The following P2RX3 variants were observed in gnomAD, a reference collection of about 807,000 sequenced individuals.
P2RX3 encodes purinergic receptor P2X 3.
P2RX3 carries 41 observed loss-of-function variants against 51.5 expected under a neutral mutation model. The ratio of observed to expected loss-of-function variants is 0.80; its 90% CI spans 0.62 to 1.03. The LOEUF (loss-of-function observed/expected upper bound fraction) is 1.03. P2RX3 is among the 50% of genes least tolerant of loss of function. P2RX3 has a pLI of 0.00. For missense variants in P2RX3, 459 were observed against 522.1 expected, an observed-to-expected ratio of 0.88 and a Z score of 1.18; for synonymous variants, 185 against 191.6, an observed-to-expected ratio of 0.97 and a Z score of 0.29.
Position 57,346,626 on chromosome 11 carries a change from G to T in P2RX3, c.202G>T (p.Gly68Ter), listed in dbSNP as rs771408677. 1.2e-6 allele frequency: 2 copies of T among 1,614,160 alleles called. No individual in the cohort carries two copies. The highest frequency in any genetic ancestry group is 1.7e-6 in the Non-Finnish European group (2 of 1,180,028). ...SSVVTKVKGS[G>*]LYANRVMDVS... ...GGTGGTAACCAAGGTGAAGGGCTCC[G>T]GACTCTACGCCAACAGAGTCATGGA... Residue 68 changes from glycine (G) to a stop codon, truncating the protein, a stop_gained, in exon 2 of 12, where the codon GGA becomes TGA. Transcript: ENST00000263314. LOFTEE classifies it high-confidence loss of function.
rs770496457 is a variant in P2RX3, at chr11:57,368,524, A to ACTCTGC, written c.1002+96_1002+101dup. 421 of 1,437,748 alleles carry ACTCTGC rather than the reference A, an allele frequency of 2.9e-4. 1 individual carries two copies. The highest frequency in any genetic ancestry group is 3.8e-4 in the Non-Finnish European group (391 of 1,025,158). The allele number at this position is 1,437,748 out of a possible 1,614,324, so 89.1% of individuals were successfully genotyped here. On this transcript the variant is annotated intron_variant, in intron 10 of 11. Transcript: ENST00000263314. ...CAGGCAGGGGAGTGACGGCGGCAAA[A>ACTCTGC]CTCTGCCTCTGCCTGGAATGTAAAA...
chr11:57,355,633 G>A (rs1462158142), intron 8 of P2RX3, among the ~76,000 whole-genome samples: 1 of 152,216 alleles, frequency 6.6e-6, no homozygotes, highest in East Asian at 1.9e-4. Flanking sequence ...GAGCTACCAC[G>A]CCTAGCCAGG....
intron 8 of P2RX3, among the ~76,000 whole-genome samples, chr11:57,353,674 C>T (rs1398693714): frequency 6.6e-6 from 1 of 152,150 alleles, no homozygotes; most frequent in Non-Finnish European, 1.5e-5. Flanking sequence ...CCAACAGAGG[C>T]AGATTTTTCA....
In P2RX3 at chr11:57,369,418, A is replaced by C; in HGVS notation, c.1060A>C (p.Lys354Gln). 1.2e-6 allele frequency: 2 copies of C among 1,609,292 alleles called. No homozygotes were observed. The highest frequency in any genetic ancestry group is 1.7e-6 in the Non-Finnish European group (2 of 1,178,222). ...CTTCCTCAAGGGGGCCGACCAGTAC[A>C]AAGCCAAGAAGTTTGAGGAGGTGAG... ...LNFLKGADQYKAKKFEEVNET... is the reference protein window; with the variant it reads ...LNFLKGADQYQAKKFEEVNET... The change falls in exon 11 of 12, where the codon AAA becomes CAA. Residue 354 changes from lysine to glutamine, a missense_variant. Lys to Gln is a moderately conservative substitution (Grantham distance 53). Coordinates refer to ENST00000263314, the MANE Select transcript of P2RX3 (RefSeq NM_002559.5).
intron 4 of P2RX3, among the ~76,000 whole-genome samples, chr11:57,347,797 C>T (rs1460046251): frequency 6.6e-6 from 1 of 152,020 alleles, no homozygotes; most frequent in Non-Finnish European, 1.5e-5. Context: ...CAAAGGCTTC[C>T]TTGAGGTGGT....
At chr11:57,365,469 AC>A (rs1355101380) in intron 8 of P2RX3, among the ~76,000 whole-genome samples, 3 of 152,272 alleles carry the variant, frequency 2.0e-5, no homozygotes, top group Admixed American at 2.0e-4. Context: ...CATTGGCTGA[AC>A]CCACCTGGAA....
chr11:57,359,500 C>T (rs1414190211), intron 8 of P2RX3, among the ~76,000 whole-genome samples: 6 of 152,206 alleles, frequency 3.9e-5, no homozygotes, highest in African/African-American at 1.2e-4. Context: ...AGCCCCCGAC[C>T]CTGAAAACTC....
chr11:57,350,963 G>A lies in P2RX3; in HGVS notation c.842+65G>A, dbSNP rs1856537625. 6 of 1,605,268 alleles carry A rather than the reference G, an allele frequency of 3.7e-6. No homozygotes were observed. The South Asian group carries it at 5.5e-5, about 15-fold the overall frequency. ...CGGGCTGTTAACGGCAATGTTTATTGGGGAGACAAGATCCCACATCCATCC... is the reference window on the plus strand; with the variant it reads ...CGGGCTGTTAACGGCAATGTTTATTAGGGAGACAAGATCCCACATCCATCC... On this transcript the variant is annotated intron_variant, in intron 8 of 11. Coordinates refer to ENST00000263314, the MANE Select transcript of P2RX3 (RefSeq NM_002559.5).
intron 8 of P2RX3, among the ~76,000 whole-genome samples, chr11:57,367,379 T>A (rs1396157407): frequency 6.6e-6 from 1 of 152,204 alleles, no homozygotes; most frequent in East Asian, 1.9e-4. Flanking sequence ...AGTCTAGCAG[T>A]GGCTCAAACT....
rs547284438 is a variant in P2RX3 at position 57,338,558 on chromosome 11, GC to G, written c.9del (p.Cys3Ter). 490 of 1,585,962 alleles carry G rather than the reference GC, an allele frequency of 3.1e-4. No individual in the cohort carries two copies. The African/African-American group carries it at 5.7e-3, about 18-fold the overall frequency. MN[C>X]ISDFFTYETT... Reference sequence around the variant, plus strand: ...CCTGAGCACTCTCTCAGCATGAACTGCATATCCGACTTCTTCACCTATGAGA... The same window carrying G: ...CCTGAGCACTCTCTCAGCATGAACTGATATCCGACTTCTTCACCTATGAGA... On this transcript the variant is annotated frameshift_variant, in exon 1 of 12. Coordinates refer to ENST00000263314, the MANE Select transcript of P2RX3 (RefSeq NM_002559.5). LOFTEE classifies it high-confidence loss of function.
upstream of P2RX3, among the ~76,000 whole-genome samples, chr11:57,337,267 G>A (rs1301330781): frequency 4.2e-5 from 6 of 143,426 alleles, no homozygotes; most frequent in East Asian, 1.0e-3. Flanking sequence ...ACTCCAGCCC[G>A]GGTGACAGAG....
At chr11:57,337,652 C>T (rs1050904823), upstream of P2RX3, among the ~76,000 whole-genome samples, 29 of 152,108 alleles carry the variant, frequency 1.9e-4, no homozygotes, top group African/African-American at 5.8e-4. Context: ...GGGAACATCA[C>T]ACACACCAGG....
rs144691773 is a variant in P2RX3 at position 57,369,159 on chromosome 11, C to T, written c.1003-202C>T. Among the ~76,000 whole-genome samples the T allele has an allele frequency of 1.2e-4, 18 of 152,324 alleles. 1 individual carries two copies. Among genetic ancestry groups the T allele is most frequent in the East Asian group, 7.7e-4 (4 of 5,180 alleles). ...AAGGCCCCACTTGTCAATACTGCCA[C>T]GCTGGGGATTAAGTTTCAGCACGAG... On this transcript the variant is annotated intron_variant, in intron 10 of 11. Transcript: ENST00000263314.
At chr11:57,353,740 C>A (rs1189633543) in intron 8 of P2RX3, among the ~76,000 whole-genome samples, 1 of 151,896 alleles carries the variant, frequency 6.6e-6, no homozygotes, top group East Asian at 1.9e-4. Flanking sequence ...AGCCAAGATT[C>A]GGCCGTGTTT....
intron 1 of P2RX3, among the ~76,000 whole-genome samples, chr11:57,338,884 A>G (rs1022900072): frequency 5.9e-5 from 9 of 152,226 alleles, no homozygotes; most frequent in African/African-American, 2.2e-4. Flanking sequence ...TTCGTCCTCC[A>G]GGGTTGAGAT....
intron 7 of P2RX3, 23 bp from the exon 8 acceptor site, chr11:57,350,739 T>C: frequency 6.2e-7 from 1 of 1,604,970 alleles, no homozygotes; most frequent in Non-Finnish European, 8.5e-7. Flanking sequence ...AGGGGAAAGC[T>C]CATACCCGGC....
At chr11:57,369,532 T>A in intron 11 of P2RX3, 94 bp downstream of exon 11, 7 of 1,163,064 alleles carry the variant, frequency 6.0e-6, no homozygotes, top group African/African-American at 1.6e-5. Context: ...TGAGGCCTTC[T>A]GAAGGGGGGT....
intron 1 of P2RX3, among the ~76,000 whole-genome samples, chr11:57,342,997 G>A (rs2134408579): frequency 6.6e-6 from 1 of 152,318 alleles, no homozygotes; most frequent in Admixed American, 6.5e-5. Flanking sequence ...ATGAATGCGA[G>A]AAGAAAATAG....
chr11:57,347,214 AGCAGGTCAAG>A, intron 3 of P2RX3, 27 bp downstream of exon 3: 1 of 1,609,666 alleles, frequency 6.2e-7, no homozygotes, highest in Non-Finnish European at 8.5e-7. Context: ...GGTTGGGTGA[AGCAGGTCAAG>A]GCTGAAAATG....
Sources: allele counts gnomAD v4.1 joint callset (sites outside exome capture counted in the v4.1 genomes callset), GRCh38; gene constraint gnomAD v4.1.1; transcripts MANE v1.5; gene names NCBI Gene and HGNC (gene_info 2026-07-23, HGNC 2026-07-21).